The following SLC15A1 variants were observed in gnomAD, a reference collection of about 807,000 sequenced individuals.
SLC15A1 encodes Caco-2 oligopeptide transporter.
A neutral mutation model predicts 92.9 loss-of-function variants in SLC15A1; 83 were observed. That is an observed-to-expected ratio of 0.89 (90% confidence interval 0.75 to 1.07). The LOEUF is 1.07. SLC15A1 is among the 50% of genes least tolerant of loss of function. The pLI, the probability that SLC15A1 is intolerant of heterozygous loss-of-function variation, is 0.00. For synonymous variants in SLC15A1, 322 were observed against 318.2 expected, an observed-to-expected ratio of 1.01 and a Z score of -0.13; for missense variants, 857 against 880.1, an observed-to-expected ratio of 0.97 and a Z score of 0.33.
At chr13:98,740,775 G>A (rs1262128857) in intron 1 of SLC15A1, among the ~76,000 whole-genome samples, 5 of 152,188 alleles carry the variant, frequency 3.3e-5, no homozygotes, top group Non-Finnish European at 7.3e-5. Context: ...GAGGACAGGG[G>A]TGGGGTGGTG....
intron 1 of SLC15A1, among the ~76,000 whole-genome samples, chr13:98,729,442 G>A (rs1050278810): frequency 6.6e-6 from 1 of 152,188 alleles, no homozygotes; most frequent in Non-Finnish European, 1.5e-5. Context: ...TCAAGGTGAT[G>A]TCAATGATGC....
chr13:98,740,501 T>A (rs2088435628), intron 1 of SLC15A1, among the ~76,000 whole-genome samples: 2 of 152,158 alleles, frequency 1.3e-5, no homozygotes, highest in South Asian at 4.1e-4. Flanking sequence ...TGACTCGTTT[T>A]CTGTCTCCAC....
At chr13:98,692,485 C>T (rs1021469493) in intron 18 of SLC15A1, among the ~76,000 whole-genome samples, 3 of 152,034 alleles carry the variant, frequency 2.0e-5, no homozygotes, top group Non-Finnish European at 1.5e-5. Flanking sequence ...TAAGAGTCTT[C>T]CAACTTGCAG....
intron 2 of SLC15A1, 30 bp downstream of exon 2, chr13:98,726,813 G>C: frequency 6.2e-7 from 1 of 1,604,286 alleles, no homozygotes; most frequent in Non-Finnish European, 8.5e-7. Context: ...ACAAGATGAA[G>C]ATATGTAGAG....
At chr13:98,721,653 C>A in intron 6 of SLC15A1, 68 bp from the exon 7 acceptor site, 2 of 1,266,454 alleles carry the variant, frequency 1.6e-6, no homozygotes, top group South Asian at 1.4e-5. Flanking sequence ...AGCTGATGAT[C>A]TCATTTTACT....
chr13:98,701,139 C>T (rs1050106393), intron 18 of SLC15A1, among the ~76,000 whole-genome samples: 6 of 152,166 alleles, frequency 3.9e-5, no homozygotes, highest in Non-Finnish European at 7.3e-5. Context: ...GACATCTTTA[C>T]TATATTAAAT....
intron 1 of SLC15A1, among the ~76,000 whole-genome samples, chr13:98,748,982 GCTGA>G (rs2088519036): frequency 6.6e-6 from 1 of 152,224 alleles, no homozygotes; most frequent in Admixed American, 6.5e-5. Context: ...TTTGAAAAAC[GCTGA>G]CTTAGAGCAA....
intron 18 of SLC15A1, among the ~76,000 whole-genome samples, chr13:98,692,538 G>A (rs1284760698): frequency 1.3e-5 from 2 of 152,038 alleles, no homozygotes; most frequent in East Asian, 3.9e-4. Flanking sequence ...TCTCTTTCCA[G>A]GTTGATCCTC....
chr13:98,730,676 C>T (rs1465798957), intron 1 of SLC15A1, among the ~76,000 whole-genome samples: 2 of 152,252 alleles, frequency 1.3e-5, no homozygotes, highest in African/African-American at 2.4e-5. Context: ...ACGGGGGAGA[C>T]GCGACTGCCT....
intron 6 of SLC15A1, 32 bp from the exon 7 acceptor site, chr13:98,721,617 T>C (rs777941536): frequency 1.3e-6 from 2 of 1,497,472 alleles, no homozygotes; most frequent in Non-Finnish European, 1.8e-6. Flanking sequence ...AAGATGACTT[T>C]GGCTATCAAT....
rs1278528166 is a variant in SLC15A1 at position 98,706,123 on chromosome 13, C to T, written c.1269+11G>A. ...AGATGAAAAAGAAGGCAGCAATTTC[C>T]TTCTACTTACTTGAGACATTGGGCC... On this transcript the variant is annotated intron_variant, in intron 16 of 22. Transcript: ENST00000376503. 2 of 1,599,876 alleles carry T rather than the reference C, an allele frequency of 1.3e-6. No individual in the cohort carries two copies. The highest frequency in any genetic ancestry group is 1.4e-5 in the African/African-American group (1 of 73,902).
chr13:98,724,276 G>A (rs2088281911), intron 4 of SLC15A1, among the ~76,000 whole-genome samples: 1 of 152,158 alleles, frequency 6.6e-6, no homozygotes. Context: ...GGCCAAAGCA[G>A]GAGGACTGCT....
At chr13:98,711,164 A>G (rs2139581993) in intron 11 of SLC15A1, among the ~76,000 whole-genome samples, 1 of 152,282 alleles carries the variant, frequency 6.6e-6, no homozygotes, top group Non-Finnish European at 1.5e-5. Flanking sequence ...ACATGTGTTC[A>G]TATATATTTT....
intron 1 of SLC15A1, among the ~76,000 whole-genome samples, chr13:98,735,554 C>T (rs2390092): frequency 0.019 from 2,816 of 152,210 alleles, 101 homozygotes; most frequent in African/African-American, 0.065. Context: ...TCAAATTGTC[C>T]CTGTTTGCAG....
At chr13:98,701,697 G>C (rs896495102) in intron 18 of SLC15A1, among the ~76,000 whole-genome samples, 2 of 139,434 alleles carry the variant, frequency 1.4e-5, no homozygotes, top group African/African-American at 5.3e-5. Context: ...TTGAGACAGA[G>C]TCTTGCTCTG....
intron 4 of SLC15A1, among the ~76,000 whole-genome samples, chr13:98,725,794 A>G (rs568055084): frequency 3.7e-4 from 56 of 152,272 alleles, no homozygotes; most frequent in African/African-American, 1.1e-3. Context: ...ATGTGATCAC[A>G]GCTCACTGCA....
intron 1 of SLC15A1, among the ~76,000 whole-genome samples, chr13:98,740,141 G>T (rs2088431730): frequency 6.6e-6 from 1 of 152,230 alleles, no homozygotes; most frequent in Admixed American, 6.5e-5. Flanking sequence ...CTTTCAAACT[G>T]CTTTTTGGGT....
At chr13:98,705,303 C>T (rs185127880) in intron 16 of SLC15A1, among the ~76,000 whole-genome samples, 16 of 151,868 alleles carry the variant, frequency 1.1e-4, no homozygotes, top group East Asian at 3.9e-4. Context: ...TTGAGTACCA[C>T]GAATCCAGAA....
chr13:98,705,628 A>T (rs980359009), intron 16 of SLC15A1, among the ~76,000 whole-genome samples: 6 of 152,162 alleles, frequency 3.9e-5, no homozygotes, highest in African/African-American at 1.4e-4. Flanking sequence ...ATGGTGGCTC[A>T]CACCTGTAAT....
Sources: gnomAD v4.1 joint callset for allele counts (sites outside exome capture counted in the v4.1 genomes callset) on GRCh38, gnomAD v4.1.1 for gene constraint, MANE v1.5 for transcripts, NCBI Gene and HGNC (gene_info 2026-07-23, HGNC 2026-07-21) for gene names.